The following TF variants were observed in gnomAD, a reference collection of about 807,000 sequenced individuals.
TF encodes the protein transferrin.
TF carries 55 observed loss-of-function variants against 82.4 expected under a neutral mutation model. The ratio of observed to expected loss-of-function variants is 0.67; its 90% CI spans 0.54 to 0.84. TF has a LOEUF of 0.84. TF is among the 40% of genes least tolerant of loss of function. The probability of loss-of-function intolerance (pLI) is 0.00; values close to 1 mark genes in which losing one functional copy is unlikely to be tolerated. For missense variants in TF, 737 were observed against 868.4 expected (o/e 0.85, Z 1.90); for synonymous variants, 332 against 332.6 (o/e 1.00, Z 0.02).
chr3:133,746,376 G>A, upstream of TF: 1 of 1,541,926 alleles, frequency 6.5e-7, no homozygotes, highest in Non-Finnish European at 8.8e-7. Flanking sequence ...AAAGGGACGC[G>A]GGGCGCCGGA....
chr3:133,707,073 G>A, the TF span, among the ~76,000 whole-genome samples: 2 of 152,118 alleles, frequency 1.3e-5, no homozygotes, highest in Non-Finnish European at 2.9e-5. Context: ...AAACTGCAAT[G>A]ATACACAAAT....
chr3:133,676,221 A>G, the TF span, among the ~76,000 whole-genome samples: 1 of 152,190 alleles, frequency 6.6e-6, no homozygotes, highest in African/African-American at 2.4e-5. Context: ...CTCCCTTGAC[A>G]TCTCTGAGCT....
chr3:133,757,926 G>A lies in TF; in HGVS notation c.1028G>A (p.Arg343Gln), dbSNP rs528945191. The change falls in exon 8 of 17, where the codon CGG (arginine) becomes CAG (glutamine). Residue 343 changes from arginine (R) to glutamine (Q), a missense_variant. Arg to Gln is a conservative substitution (Grantham distance 43). Transcript: ENST00000402696. Reference protein sequence around the residue: ...YLGYEYVTAIRNLREGTCPEA... With the variant: ...YLGYEYVTAIQNLREGTCPEA... ...GGCTATGAGTATGTCACTGCCATCC[G>A]GAATCTACGGGAAGGCACATGTGAG... 6.8e-6 allele frequency: 11 copies of A among 1,614,146 alleles called. No homozygotes were observed. The highest frequency in any genetic ancestry group is 1.1e-5 in the South Asian group (1 of 91,076).
At chr3:133,679,384 T>G in the TF span, among the ~76,000 whole-genome samples, 1 of 152,206 alleles carries the variant, frequency 6.6e-6, no homozygotes, top group African/African-American at 2.4e-5. Context: ...TCAGTTAAAG[T>G]ATACATATAG....
chr3:133,680,964 A>G, the TF span, among the ~76,000 whole-genome samples: 2 of 152,248 alleles, frequency 1.3e-5, no homozygotes, highest in Non-Finnish European at 2.9e-5. Flanking sequence ...CGTGCTTGGC[A>G]CACTGCCTGA....
At position 133,755,248 on chromosome 3, in the gene TF, A is replaced by G. The variant is rs1056128391; in HGVS notation, c.503-115A>G. 5.2e-6 allele frequency: 7 copies of G among 1,341,818 alleles called. No homozygotes were observed. In the African/African-American group the frequency reaches 1.0e-4, roughly 19 times the overall value. The allele number at this position is 1,341,818 out of a possible 1,614,324, so 83.1% of individuals were successfully genotyped here. On this transcript the variant is annotated intron_variant, in intron 4 of 16. Transcript: ENST00000402696. ...TAGCATAAGGGCAAGCTGGGGCTGCATGTGCTGGTTTGGTTTTAGTCCCCT... is the reference window on the plus strand; with the variant it reads ...TAGCATAAGGGCAAGCTGGGGCTGCGTGTGCTGGTTTGGTTTTAGTCCCCT...
chr3:133,783,751 C>T lies in TF; in HGVS notation c.*5131C>T, dbSNP rs1431930720. Reference sequence around the variant, plus strand: ...GCTCTGCTGGGCCCTCCAGGCCCTCCGCCCGGTAGAACCCGGAGCCCTGGC... The same window carrying T: ...GCTCTGCTGGGCCCTCCAGGCCCTCTGCCCGGTAGAACCCGGAGCCCTGGC... On this transcript the variant is annotated 3_prime_UTR_variant, in exon 17 of 17. Coordinates refer to ENST00000402696, the MANE Select transcript of TF (RefSeq NM_001063.4). 1 of 152,278 alleles carries T rather than the reference C, an allele frequency of 6.6e-6. No individual in the cohort carries two copies. The highest frequency in any genetic ancestry group is 2.4e-5 in the African/African-American group (1 of 41,472). The allele number at this position is 152,278 out of a possible 1,614,324, so 9.4% of individuals were successfully genotyped here.
intron 15 of TF, among the ~76,000 whole-genome samples, chr3:133,776,837 C>T (rs1380002103): frequency 6.6e-6 from 1 of 152,024 alleles, no homozygotes; most frequent in Admixed American, 6.6e-5. Context: ...GACCAGGGAC[C>T]CTATAGATGA....
chr3:133,760,739 A>C (rs1269180148), intron 9 of TF: 1 of 160,248 alleles, frequency 6.2e-6, no homozygotes, highest in African/African-American at 2.4e-5. Flanking sequence ...AATGTTGGAA[A>C]TAGCTTACAG....
the TF span, chr3:133,704,227 G>T: frequency 4.4e-6 from 1 of 225,298 alleles, no homozygotes. Context: ...ACTTCAGAAA[G>T]GGGAAGCTGA....
In TF at chr3:133,775,519, G is replaced by C; in HGVS notation, c.1774G>C (p.Glu592Gln). The C allele has an allele frequency of 6.2e-7, 1 of 1,614,208 alleles. No individual in the cohort carries two copies. The highest frequency in any genetic ancestry group is 8.5e-7 in the Non-Finnish European group (1 of 1,180,034). Residue 592 changes from glutamate to glutamine, a missense_variant, in exon 15 of 17, where the codon GAG (glutamate) becomes CAG (glutamine). By Grantham distance (29) the Glu-to-Gln change is conservative. Transcript: ENST00000402696. ...TGATGGTACCAGGAAACCTGTGGAG[G>C]AGTATGCGAACTGCCACCTGGCCAG... ...CLDGTRKPVE[E>Q]YANCHLARAP...
Position 133,779,035 on chromosome 3 carries a change from C to T in TF, c.*415C>T, listed in dbSNP as rs8177310. 9.1e-3 allele frequency: 1,905 copies of T among 210,300 alleles called. 31 individuals are homozygous for T. Among genetic ancestry groups the T allele is most frequent in the African/African-American group, 0.042 (1,800 of 43,000 alleles). The allele number at this position is 210,300 out of a possible 1,614,324, so 13.0% of individuals were successfully genotyped here. Reference sequence around the variant, plus strand: ...TGGTGTGTGTGTGCACGTGCGCGTGCGTGTGTCATGCTAAGGAAGGGGCAA... The same window carrying T: ...TGGTGTGTGTGTGCACGTGCGCGTGTGTGTGTCATGCTAAGGAAGGGGCAA... On this transcript the variant is annotated 3_prime_UTR_variant, in exon 17 of 17. Transcript: ENST00000402696.
rs1000656903 is a variant in TF, at chr3:133,793,207, G to A, written c.*14587G>A. ...GGGAAAGACAAGAGACAGATTGTTTGTAAAGTAAGTCTTCCATCTATCAAC... is the reference window on the plus strand; with the variant it reads ...GGGAAAGACAAGAGACAGATTGTTTATAAAGTAAGTCTTCCATCTATCAAC... On this transcript the variant is annotated 3_prime_UTR_variant, in exon 17 of 17. Transcript: ENST00000402696. The A allele has an allele frequency of 2.6e-5, 4 of 152,168 alleles. No homozygotes were observed. The highest frequency in any genetic ancestry group is 5.9e-5 in the Non-Finnish European group (4 of 68,006). 9.4% of individuals were successfully genotyped at this position (152,168 alleles called of 1,614,324 possible).
chr3:133,699,539 G>C, the TF span: 3 of 913,838 alleles, frequency 3.3e-6, no homozygotes, highest in East Asian at 1.5e-4. Context: ...ACTGCCATTT[G>C]GCCTGGGTCC....
chr3:133,676,157 C>G, the TF span, among the ~76,000 whole-genome samples: 3 of 152,206 alleles, frequency 2.0e-5, no homozygotes, highest in Non-Finnish European at 4.4e-5. Flanking sequence ...GGGGAAAAAA[C>G]TATCACCATA....
chr3:133,678,377 G>T, the TF span, among the ~76,000 whole-genome samples: 2 of 152,342 alleles, frequency 1.3e-5, no homozygotes, highest in African/African-American at 4.8e-5. Flanking sequence ...TATATACCCA[G>T]TAATGGGATT....
the TF span, among the ~76,000 whole-genome samples, chr3:133,662,574 G>T: frequency 8.5e-5 from 13 of 152,258 alleles, no homozygotes; most frequent in South Asian, 2.1e-4. Context: ...AGTGGACATC[G>T]CCGTTCTCTT....
chr3:133,683,046 A>G, the TF span, among the ~76,000 whole-genome samples: 1 of 152,222 alleles, frequency 6.6e-6, no homozygotes, highest in Admixed American at 6.5e-5. Flanking sequence ...GGGGGCCAAT[A>G]TTCAACATTT....
chr3:133,707,391 C>G, the TF span: 18 of 152,382 alleles, frequency 1.2e-4, no homozygotes, highest in Admixed American at 7.2e-4. Flanking sequence ...GGAGGGGCCT[C>G]CAGTCCTGCT....
Sources: gnomAD v4.1 joint callset for allele counts (sites outside exome capture counted in the v4.1 genomes callset) on GRCh38, gnomAD v4.1.1 for gene constraint, MANE v1.5 for transcripts, NCBI Gene and HGNC (gene_info 2026-07-23, HGNC 2026-07-21) for gene names.